Variants in ATP2C2 observed in about 807,000 individuals in gnomAD.
The protein encoded by ATP2C2 is calcium-transporting ATPase type 2C member 2.
Under a neutral mutation model 110.8 loss-of-function variants are expected in ATP2C2, and 171 were observed. The ratio of observed to expected loss-of-function variants is 1.54; its 90% CI spans 1.36 to 1.75. ATP2C2 has a LOEUF of 1.75. ATP2C2 is among the 40% of genes most tolerant of loss of function. The pLI is 0.00. For missense variants in ATP2C2, 1,963 were observed against 1,235.0 expected (o/e 1.59, Z -8.84); for synonymous variants, 804 against 508.4 (o/e 1.58, Z -7.82).
At chr16:84,441,357 T>C (rs1470003978) in intron 14 of ATP2C2, among the ~76,000 whole-genome samples, 2 of 152,228 alleles carry the variant, frequency 1.3e-5, no homozygotes, top group Admixed American at 1.3e-4. Flanking sequence ...AGGAGACTCC[T>C]GCCCAGAGAC....
At chr16:84,393,154 T>C (rs1225428847) in intron 1 of ATP2C2, among the ~76,000 whole-genome samples, 3 of 151,950 alleles carry the variant, frequency 2.0e-5, no homozygotes, top group African/African-American at 7.3e-5. Flanking sequence ...CGTACCAGAG[T>C]CTGTAGTTTC....
intron 6 of ATP2C2, among the ~76,000 whole-genome samples, chr16:84,412,315 C>G (rs1041438366): frequency 4.7e-5 from 5 of 106,880 alleles, no homozygotes; most frequent in Non-Finnish European, 8.7e-5. Flanking sequence ...CATGTCTGCA[C>G]GTGTGTGTGC....
rs376362270 is a variant in ATP2C2, at chr16:84,462,044, C to G, written c.2637C>G (p.Val879=). The change falls in exon 26 of 27, where the codon GTC becomes GTG. Residue 879 remains valine, a synonymous_variant. Transcript: ENST00000262429. ...FLRNHMFLYS[V]LGSILGQLAV... is the part of the protein sequence containing the mutation. The stretch of plus-strand genomic sequence containing the variant: ...GGAACCACATGTTCCTCTACTCCGT[C>G]CTGGGGTCCATCCTGGGGCAGCTGG... The G allele has an allele frequency of 1.9e-6, 3 of 1,614,118 alleles. No homozygotes were observed. Among genetic ancestry groups the G allele is most frequent in the African/African-American group, 1.3e-5 (1 of 75,040 alleles).
chr16:84,406,563 G>T, intron 3 of ATP2C2: 7 of 984,410 alleles, frequency 7.1e-6, no homozygotes, highest in Non-Finnish European at 8.4e-6. Flanking sequence ...CACTCTCCTT[G>T]AGGTCCCCTC....
rs2288581 is a variant in ATP2C2 at position 84,442,618 on chromosome 16, G to T, written c.1401+19G>T. The T allele has an allele frequency of 0.17, 268,355 of 1,609,998 alleles. 28,485 individuals carry two copies. The highest frequency in any genetic ancestry group is 0.56 in the East Asian group (25,042 of 44,794). ...GATGAAGGTAGGAGGTCCTGGGGTG[G>T]CTCTGCGGGGAATTCTTTCGCTCGG... is the stretch of plus-strand genomic sequence containing the variant. On this transcript the variant is annotated intron_variant, in intron 15 of 26. Transcript: ENST00000262429.
At position 84,424,576 on chromosome 16, in the gene ATP2C2, C is replaced by CTTTTTTTTTTTTTTTT. The variant is rs371614449; in HGVS notation, c.920-1151_920-1136dup. On this transcript the variant is annotated intron_variant, in intron 10 of 26. Coordinates refer to ENST00000262429, the MANE Select transcript of ATP2C2 (RefSeq NM_014861.4). Reference sequence around the variant, plus strand: ...TACAGGCATGAGCCACCGCACTGGGCTTTTTTTTTTTTTTTTTTTTTTTAA... The same window carrying CTTTTTTTTTTTTTTTT: ...TACAGGCATGAGCCACCGCACTGGGCTTTTTTTTTTTTTTTTTTTTTTTTTTTTTTTTTTTTTTTAA... 9.1e-4 allele frequency among the ~76,000 whole-genome samples: 104 copies of CTTTTTTTTTTTTTTTT among 114,852 alleles called. 9 individuals carry two copies. The highest frequency in any genetic ancestry group is 3.8e-3 in the African/African-American group (94 of 24,868). 75.3% of individuals were successfully genotyped at this position (114,852 alleles called of 152,430 possible). A position where few individuals can be genotyped will look rare whatever the true frequency, so the allele number is the denominator to read the frequency against.
chr16:84,445,017 G>A (rs1415853266), intron 15 of ATP2C2, among the ~76,000 whole-genome samples: 1 of 152,252 alleles, frequency 6.6e-6, no homozygotes, highest in African/African-American at 2.4e-5. Flanking sequence ...AAAACACACT[G>A]AAACACAGCT....
In ATP2C2 at chr16:84,401,222, C is replaced by CTTTTTTTTT. The variant is rs55635029; in HGVS notation, c.210+2624_210+2632dup. Among the ~76,000 whole-genome samples, 13 of 121,558 alleles carry CTTTTTTTTT rather than the reference C, an allele frequency of 1.1e-4. 2 individuals are homozygous for CTTTTTTTTT. The highest frequency in any genetic ancestry group is 1.3e-4 in the Non-Finnish European group (8 of 61,226). 79.7% of individuals were successfully genotyped at this position (121,558 alleles called of 152,430 possible). A position where few individuals can be genotyped will look rare whatever the true frequency, so the allele number is the denominator to read the frequency against. On this transcript the variant is annotated intron_variant, in intron 2 of 26. Transcript: ENST00000262429. ...GTGATCTTAGATTGAAGTCTTTAAT[C>CTTTTTTTTT]TTTTTTTTTTTTTTTTTTTGAGACA...
intron 1 of ATP2C2, among the ~76,000 whole-genome samples, chr16:84,389,226 G>T (rs1252492145): frequency 1.3e-5 from 2 of 152,116 alleles, no homozygotes; most frequent in East Asian, 1.9e-4. Context: ...GCACCTTCAT[G>T]CCTGTTCTTC....
intron 1 of ATP2C2, among the ~76,000 whole-genome samples, chr16:84,378,670 G>A (rs1365707402): frequency 6.6e-6 from 1 of 152,216 alleles, no homozygotes; most frequent in Non-Finnish European, 1.5e-5. Context: ...TGTGCTAGGC[G>A]CTGTGTCCAT....
At chr16:84,412,046 G>A (rs542369677) in intron 6 of ATP2C2, among the ~76,000 whole-genome samples, 9 of 148,320 alleles carry the variant, frequency 6.1e-5, no homozygotes, top group Non-Finnish European at 1.2e-4. Context: ...GTCTGGCTCT[G>A]TTGCCTAGGC....
intron 1 of ATP2C2, among the ~76,000 whole-genome samples, chr16:84,377,850 G>T (rs541347126): frequency 6.6e-6 from 1 of 152,098 alleles, no homozygotes; most frequent in Non-Finnish European, 1.5e-5. Flanking sequence ...TGTGTCTTGA[G>T]GCTGCAGCCC....
chr16:84,432,392 C>T (rs1908358365), intron 11 of ATP2C2, among the ~76,000 whole-genome samples: 1 of 152,078 alleles, frequency 6.6e-6, no homozygotes, highest in African/African-American at 2.4e-5. Context: ...AGGTTTTAAG[C>T]CCCACATGCA....
In ATP2C2 at chr16:84,453,324, T is replaced by A; in HGVS notation, c.1933T>A (p.Ser645Thr). The A allele has an allele frequency of 6.2e-7, 1 of 1,614,132 alleles. No homozygotes were observed. Among genetic ancestry groups the A allele is most frequent in the Non-Finnish European group, 8.5e-7 (1 of 1,180,020 alleles). ...GELADRVGKVSVFFRTSPKHK... is the reference protein window; with the variant it reads ...GELADRVGKVTVFFRTSPKHK... ...TCTTCCCCGTCTCCGTGTCCAGGTGTCCGTGTTCTTCAGGACCAGCCCAAA... is the reference window on the plus strand; with the variant it reads ...TCTTCCCCGTCTCCGTGTCCAGGTGACCGTGTTCTTCAGGACCAGCCCAAA... The change falls in exon 20 of 27, where the codon TCC becomes ACC. Residue 645 changes from serine to threonine, a missense_variant. By Grantham distance (58) the Ser-to-Thr change is moderately conservative. Transcript: ENST00000262429.
chr16:84,454,884 A>T lies in ATP2C2; in HGVS notation c.2047A>T (p.Lys683Ter), dbSNP rs1278092318. 1 of 1,614,036 alleles carries T rather than the reference A, an allele frequency of 6.2e-7. No individual in the cohort carries two copies. Among genetic ancestry groups the T allele is most frequent in the Non-Finnish European group, 8.5e-7 (1 of 1,179,958 alleles). ...TGGGGTGAACGACGCAGTGGCCCTG[A>T]AGTCTGCAGACATTGGGATCGCCAT... ...GDGVNDAVALKSADIGIAMGQ... is the reference protein window; with the variant it reads ...GDGVNDAVAL Residue 683 changes from lysine to a stop codon, truncating the protein, a stop_gained, in exon 21 of 27, where the codon AAG (lysine) becomes TAG (stop). Transcript: ENST00000262429. LOFTEE classifies it high-confidence loss of function.
At chr16:84,459,699 T>C in intron 23 of ATP2C2, 2 of 1,024,510 alleles carry the variant, frequency 2.0e-6, no homozygotes, top group Non-Finnish European at 2.8e-6. Flanking sequence ...CTTCAGGAAG[T>C]CTTCCCTGAT....
At chr16:84,416,262 G>A (rs187344602) in intron 7 of ATP2C2, among the ~76,000 whole-genome samples, 43 of 152,310 alleles carry the variant, frequency 2.8e-4, no homozygotes, top group Admixed American at 2.6e-3. Context: ...CATGCCTGAG[G>A]CACTCTGCTG....
chr16:84,418,321 C>T (rs565637624), intron 7 of ATP2C2, among the ~76,000 whole-genome samples: 33 of 152,116 alleles, frequency 2.2e-4, no homozygotes, highest in Non-Finnish European at 4.3e-4. Context: ...GCCCCTCACC[C>T]CTCCTTGCCC....
Position 84,463,516 on chromosome 16 carries a change from C to G in ATP2C2, c.2723-98C>G, listed in dbSNP as rs1911605891. 32 of 1,011,052 alleles carry G rather than the reference C, an allele frequency of 3.2e-5. No individual in the cohort carries two copies. In the South Asian group the frequency reaches 4.0e-4, roughly 13 times the overall value. 62.6% of individuals were successfully genotyped at this position (1,011,052 alleles called of 1,614,324 possible). ...AATGAAAAGGGCTGGTCCTCCGCAC[C>G]TCTCACTTTATCAGGAGGACTGGCA... is the stretch of plus-strand genomic sequence containing the variant. On this transcript the variant is annotated intron_variant, in intron 26 of 26. Transcript: ENST00000262429.
Sources: gnomAD v4.1 joint callset for allele counts (sites outside exome capture counted in the v4.1 genomes callset) on GRCh38, gnomAD v4.1.1 for gene constraint, MANE v1.5 for transcripts, NCBI Gene and HGNC (gene_info 2026-07-23, HGNC 2026-07-21) for gene names.